The following SZRD1 variants were observed in gnomAD, a reference collection of about 807,000 sequenced individuals.
The protein encoded by SZRD1 is SUZ RNA binding domain containing 1.
A neutral mutation model predicts 17.6 loss-of-function variants in SZRD1; 7 were observed. That is an observed-to-expected ratio of 0.40 (90% CI 0.23 to 0.75). SZRD1 has a LOEUF of 0.75. SZRD1 is among the 30% of genes least tolerant of loss of function. SZRD1 has a pLI of 0.38. For missense variants in SZRD1, 178 were observed against 201.8 expected (o/e 0.88, Z 0.71); for synonymous variants, 77 against 77.9 (o/e 0.99, Z 0.06).
chr1:16,372,275 C>T lies in SZRD1; in HGVS notation c.51+4967C>T, dbSNP rs572904323. On this transcript the variant is annotated intron_variant, in intron 1 of 3. Coordinates refer to ENST00000401088, the MANE Select transcript of SZRD1 (RefSeq NM_001114600.3). ...ATCACCTGAGGTCACGAGTTCAAGA[C>T]CAGCGTGGCCAACATGGTGAAACCC... Among the ~76,000 whole-genome samples the T allele has an allele frequency of 3.3e-5, 5 of 152,182 alleles. 1 individual carries two copies. In the South Asian group the frequency reaches 1.0e-3, roughly 32 times the overall value.
chr1:16,395,039 C>A lies in SZRD1; in HGVS notation c.358C>A (p.Pro120Thr), dbSNP rs868708846. 2 of 1,602,700 alleles carry A rather than the reference C, an allele frequency of 1.2e-6. No individual in the cohort carries two copies. The highest frequency in any genetic ancestry group is 1.1e-5 in the South Asian group (1 of 90,782). ...EEQEKPILDRPTRISQPEDSR... is the reference protein window; with the variant it reads ...EEQEKPILDRTTRISQPEDSR... ...TTCCTCTGCTTTTCTTCCTTTCAGG[C>A]CAACCAGGATCTCCCAACCCGAAGA... The change falls in exon 4 of 4, where the codon CCA (proline) becomes ACA (threonine). Residue 120 changes from proline (P) to threonine (T), a missense_variant and splice_region_variant. By Grantham distance (38) the Pro-to-Thr change is conservative. This residue lies in a region of SZRD1 where 57 missense variants were observed against 71.9 expected (regional missense o/e 0.79). Transcript: ENST00000401088.
chr1:16,373,184 G>A (rs889348122), intron 1 of SZRD1, among the ~76,000 whole-genome samples: 1 of 151,274 alleles, frequency 6.6e-6, no homozygotes, highest in Non-Finnish European at 1.5e-5. Context: ...CCTTGTACTT[G>A]GTTCTGGAAG....
At chr1:16,389,080 CTTT>C (rs779460255) in intron 1 of SZRD1, among the ~76,000 whole-genome samples, 8 of 114,886 alleles carry the variant, frequency 7.0e-5, no homozygotes, top group Non-Finnish European at 1.1e-4. Context: ...TAGTTATTTC[CTTT>C]TTTTTTTTTT....
chr1:16,384,029 A>G (rs1178138268), intron 1 of SZRD1, among the ~76,000 whole-genome samples: 2 of 152,224 alleles, frequency 1.3e-5, no homozygotes, highest in Admixed American at 6.5e-5. Flanking sequence ...TCCCTGTAAA[A>G]TCAAACCTGG....
At chr1:16,389,100 T>C (rs1228026582) in intron 1 of SZRD1, among the ~76,000 whole-genome samples, 2 of 138,900 alleles carry the variant, frequency 1.4e-5, no homozygotes, top group Non-Finnish European at 3.2e-5. Flanking sequence ...TTTTTTTTTT[T>C]TGAGACAGAG....
chr1:16,393,417 G>A lies in SZRD1; in HGVS notation c.291G>A (p.Glu97=), dbSNP rs748832154. Residue 97 remains glutamate, a synonymous_variant, in exon 3 of 4, where the codon GAG becomes GAA. Coordinates refer to ENST00000401088, the MANE Select transcript of SZRD1 (RefSeq NM_001114600.3). This position sits in a 1 kb window ranked among gnomAD's most constrained non-coding sequence, Gnocchi z 5.6. The part of the protein sequence containing the change: ...SLAQREAEYA[E]ARKRILGSAS... The stretch of plus-strand genomic sequence containing the variant: ...CACAGCGAGAGGCCGAGTACGCCGA[G>A]GCCCGGAAGCGGATCCTGGGCAGCG... The A allele has an allele frequency of 6.2e-7, 1 of 1,614,136 alleles. No individual in the cohort carries two copies. The highest frequency in any genetic ancestry group is 8.5e-7 in the Non-Finnish European group (1 of 1,180,030).
At chr1:16,388,850 T>C (rs2085170966) in intron 1 of SZRD1, among the ~76,000 whole-genome samples, 1 of 151,780 alleles carries the variant, frequency 6.6e-6, no homozygotes, top group Non-Finnish European at 1.5e-5. Context: ...GTTTTCACCC[T>C]GTTGCCAAAC....
rs561448581 is a variant in SZRD1 at position 16,393,641 on chromosome 1, C to T, written c.356+159C>T. ...ATCCCAGCCTGCTGGCACTAGTTCACTGTGCCGCATTGGCTGGAGAGGGCT... is the reference window on the plus strand; with the variant it reads ...ATCCCAGCCTGCTGGCACTAGTTCATTGTGCCGCATTGGCTGGAGAGGGCT... On this transcript the variant is annotated intron_variant, in intron 3 of 3. Transcript: ENST00000401088. The surrounding 1 kb of genome is among the most constrained non-coding windows in gnomAD (Gnocchi z 5.6). Among the ~76,000 whole-genome samples the T allele has an allele frequency of 1.3e-5, 2 of 152,344 alleles. No homozygotes were observed. Among genetic ancestry groups the T allele is most frequent in the African/African-American group, 4.8e-5 (2 of 41,598 alleles).
At chr1:16,385,623 C>A (rs1425104280) in intron 1 of SZRD1, among the ~76,000 whole-genome samples, 1 of 152,194 alleles carries the variant, frequency 6.6e-6, no homozygotes, top group East Asian at 1.9e-4. Flanking sequence ...ACATCCCTAT[C>A]TTTTGTCACC....
chr1:16,390,793 C>G (rs530494089), intron 1 of SZRD1, among the ~76,000 whole-genome samples: 3 of 152,070 alleles, frequency 2.0e-5, no homozygotes, highest in Non-Finnish European at 2.9e-5. Flanking sequence ...AGGTAGACAT[C>G]CAGGCTGGGT....
At chr1:16,378,760 G>A (rs928787183) in intron 1 of SZRD1, among the ~76,000 whole-genome samples, 6 of 151,400 alleles carry the variant, frequency 4.0e-5, no homozygotes, top group East Asian at 2.0e-4. Context: ...ATTTTGAGAC[G>A]GAGTCTTGCA....
intron 1 of SZRD1, among the ~76,000 whole-genome samples, chr1:16,380,053 A>G (rs1375426655): frequency 6.6e-6 from 1 of 152,196 alleles, no homozygotes; most frequent in Non-Finnish European, 1.5e-5. Flanking sequence ...TTCTGCTCTC[A>G]TAAGGCTTAC....
chr1:16,384,232 T>C (rs902742077), intron 1 of SZRD1, among the ~76,000 whole-genome samples: 3 of 152,138 alleles, frequency 2.0e-5, no homozygotes, highest in Non-Finnish European at 4.4e-5. Context: ...GTCCATGGAT[T>C]GTACATCTGA....
chr1:16,389,937 T>C (rs1042256772), intron 1 of SZRD1, among the ~76,000 whole-genome samples: 2 of 152,216 alleles, frequency 1.3e-5, no homozygotes, highest in African/African-American at 4.8e-5. Flanking sequence ...TGTTGACTTT[T>C]GGGGTTAAAT....
intron 1 of SZRD1, among the ~76,000 whole-genome samples, chr1:16,382,801 C>G (rs1263965125): frequency 6.6e-6 from 1 of 151,880 alleles, no homozygotes; most frequent in African/African-American, 2.4e-5. Context: ...GAGTCGGGAC[C>G]CATCTTCTAA....
At chr1:16,371,338 G>C (rs1039141936) in intron 1 of SZRD1, among the ~76,000 whole-genome samples, 1 of 151,386 alleles carries the variant, frequency 6.6e-6, no homozygotes, top group Non-Finnish European at 1.5e-5. Flanking sequence ...TTACAGGCAT[G>C]AGCCATCATG....
intron 1 of SZRD1, among the ~76,000 whole-genome samples, chr1:16,382,572 G>A (rs1176974239): frequency 2.7e-5 from 4 of 150,766 alleles, no homozygotes; most frequent in Non-Finnish European, 4.4e-5. Flanking sequence ...TCAGCTCACC[G>A]CAACCTCCCC....
chr1:16,388,386 G>A (rs773689193), intron 1 of SZRD1, among the ~76,000 whole-genome samples: 181 of 151,148 alleles, frequency 1.2e-3, no homozygotes, highest in Non-Finnish European at 1.9e-3. Context: ...GATTGTAGGC[G>A]TGAGCTACCA....
intron 1 of SZRD1, chr1:16,367,586 C>T (rs1272732936): frequency 1.2e-5 from 6 of 494,970 alleles, no homozygotes; most frequent in Admixed American, 1.1e-4. Flanking sequence ...CCTTTCCTGA[C>T]CCCCCGCGCC....
Sources: gnomAD v4.1 joint callset for allele counts (sites outside exome capture counted in the v4.1 genomes callset) on GRCh38, gnomAD v4.1.1 for gene constraint, gnomAD v4.1.1 regional missense constraint, Gnocchi (gnomAD v3.1) non-coding constraint, MANE v1.5 for transcripts, NCBI Gene and HGNC (gene_info 2026-07-23, HGNC 2026-07-21) for gene names.